The following FARSB variants were observed in gnomAD, a reference collection of about 807,000 sequenced individuals.
FARSB encodes the protein phenylalanine--tRNA ligase beta subunit.
FARSB carries 40 observed loss-of-function variants against 69.6 expected under a neutral mutation model. That is an observed-to-expected ratio of 0.57 (90% CI 0.45 to 0.75). The LOEUF (loss-of-function observed/expected upper bound fraction) is 0.75, where lower values mean the gene tolerates loss of function less well. Ranked by LOEUF, FARSB falls within the 30% of genes least tolerant of loss-of-function variation. The probability of loss-of-function intolerance (pLI) is 0.00; values close to 1 mark genes in which losing one functional copy is unlikely to be tolerated. For missense variants in FARSB, 632 were observed against 722.9 expected, an observed-to-expected ratio of 0.87 and a Z score of 1.44; for synonymous variants, 235 against 247.2, an observed-to-expected ratio of 0.95 and a Z score of 0.46.
chr2:222,569,305 G>C lies in FARSB; in HGVS notation c.*2566C>G, dbSNP rs1321261796. ...ATATCCAGGTGGGTAGCTGCTGACA[G>C]AACAAATGGTTCCACCTACTTCAAC... On this transcript the variant is annotated 3_prime_UTR_variant, in exon 17 of 17. Transcript: ENST00000281828. 1 of 152,160 alleles carries C rather than the reference G, an allele frequency of 6.6e-6. No homozygotes were observed. Among genetic ancestry groups the C allele is most frequent in the Non-Finnish European group, 1.5e-5 (1 of 68,032 alleles). 9.4% of individuals were successfully genotyped at this position (152,160 alleles called of 1,614,324 possible). A position where few individuals can be genotyped will look rare whatever the true frequency, so the allele number is the denominator to read the frequency against.
Position 222,571,982 on chromosome 2 carries a change from G to A in FARSB, c.1659C>T (p.Ala553=). The A allele has an allele frequency of 6.2e-7, 1 of 1,613,884 alleles. No individual in the cohort carries two copies. Among genetic ancestry groups the A allele is most frequent in the Non-Finnish European group, 8.5e-7 (1 of 1,179,916 alleles). ...CAAGCTTCCCGACGCTTTGACCCCT[G>A]GCAAAGATCTCTGCACATCGCCCGG... ...FFPGRCAEIF[A]RGQSVGKLGV... is the part of the protein sequence containing the mutation. The change falls in exon 17 of 17, where the codon GCC becomes GCT. Residue 553 remains alanine (A), a synonymous_variant. Coordinates refer to ENST00000281828, the MANE Select transcript of FARSB (RefSeq NM_005687.5).
intron 16 of FARSB, among the ~76,000 whole-genome samples, chr2:222,593,035 A>T (rs1690318010): frequency 1.3e-5 from 2 of 152,104 alleles, no homozygotes; most frequent in Admixed American, 1.3e-4. Context: ...AAAACGTATC[A>T]TATATATAGT....
chr2:222,581,269 A>G (rs1410641778), intron 16 of FARSB, among the ~76,000 whole-genome samples: 2 of 152,218 alleles, frequency 1.3e-5, no homozygotes, highest in Non-Finnish European at 2.9e-5. Context: ...GATTTCTGCA[A>G]TGATGTAATA....
intron 16 of FARSB, among the ~76,000 whole-genome samples, chr2:222,592,597 A>C (rs1399067202): frequency 6.6e-6 from 1 of 151,664 alleles, no homozygotes; most frequent in Non-Finnish European, 1.5e-5. Flanking sequence ...AAAGATCACA[A>C]GCTAAAAATG....
chr2:222,642,949 G>T lies in FARSB; in HGVS notation c.171C>A (p.Ala57=). ...KEQGNVKAAG[A]SDVVLYKIDV... ...CAATTTTGTAAAGAACAACATCAGA[G>T]GCTCCTGCTGCCTTTACATTACCTT... Residue 57 remains alanine, a synonymous_variant, in exon 3 of 17, where the codon GCC becomes GCA. Coordinates refer to ENST00000281828, the MANE Select transcript of FARSB (RefSeq NM_005687.5). 1 of 1,611,108 alleles carries T rather than the reference G, an allele frequency of 6.2e-7. No homozygotes were observed.
chr2:222,640,769 AAG>A lies in FARSB; in HGVS notation c.339+91_339+92del, dbSNP rs1000673988. The A allele has an allele frequency of 4.7e-5, 32 of 686,348 alleles. No homozygotes were observed. The East Asian group carries it at 8.3e-4, about 18-fold the overall frequency. 42.5% of individuals were successfully genotyped at this position (686,348 alleles called of 1,614,324 possible). A position where few individuals can be genotyped will look rare whatever the true frequency, so the allele number is the denominator to read the frequency against. On this transcript the variant is annotated intron_variant, in intron 4 of 16. Transcript: ENST00000281828. Reference sequence around the variant, plus strand: ...AGACCCTGTCTCAAAACAAAAAAAAAAGAGTAAGCTTTGTTTCTCTTTCCTCC... The same window carrying A: ...AGACCCTGTCTCAAAACAAAAAAAAAAGTAAGCTTTGTTTCTCTTTCCTCC...
At chr2:222,623,555 T>C in intron 13 of FARSB, 95 bp downstream of exon 13, 1 of 809,890 alleles carries the variant, frequency 1.2e-6, no homozygotes, top group Non-Finnish European at 2.2e-6. Context: ...TCTAACAGTC[T>C]AGATTTTATA....
rs143024532 is a variant in FARSB at position 222,601,675 on chromosome 2, T to C, written c.1463-1592A>G. 6.0e-3 allele frequency among the ~76,000 whole-genome samples: 920 copies of C among 152,308 alleles called. 11 individuals are homozygous for C. Among genetic ancestry groups the C allele is most frequent in the African/African-American group, 0.021 (861 of 41,554 alleles). ...AATATTTCATTTTATTTCACTTTAT[T>C]TTTTGAGATAGGGTCTCGCTCTGTT... On this transcript the variant is annotated intron_variant, in intron 15 of 16. Transcript: ENST00000281828.
intron 16 of FARSB, among the ~76,000 whole-genome samples, chr2:222,585,641 G>A (rs561529901): frequency 2.6e-5 from 4 of 152,202 alleles, no homozygotes; most frequent in Non-Finnish European, 5.9e-5. Flanking sequence ...GATTAGAATG[G>A]CTAAGTAGAA....
intron 16 of FARSB, among the ~76,000 whole-genome samples, chr2:222,583,663 A>G (rs1177746788): frequency 6.6e-6 from 1 of 152,106 alleles, no homozygotes; most frequent in East Asian, 1.9e-4. Flanking sequence ...TGCTATTGAT[A>G]TGGTTTGGCT....
intron 16 of FARSB, among the ~76,000 whole-genome samples, chr2:222,580,801 A>G (rs1271743843): frequency 6.6e-6 from 1 of 152,210 alleles, no homozygotes; most frequent in Non-Finnish European, 1.5e-5. Context: ...TTTAGGGATT[A>G]TGAGAGTGAC....
intron 12 of FARSB, 88 bp downstream of exon 12, chr2:222,624,184 T>G (rs1253264107): frequency 1.2e-6 from 1 of 866,148 alleles, no homozygotes; most frequent in Admixed American, 1.8e-5. Context: ...ACTGCTTGAT[T>G]CCTACGTTCT....
At position 222,624,708 on chromosome 2, in the gene FARSB, G is replaced by C; in HGVS notation, c.962+6C>G. The C allele has an allele frequency of 1.3e-6, 2 of 1,590,156 alleles. No homozygotes were observed. Among genetic ancestry groups the C allele is most frequent in the Non-Finnish European group, 1.7e-6 (2 of 1,162,684 alleles). On this transcript the variant is annotated splice_donor_region_variant and intron_variant, in intron 11 of 16. Transcript: ENST00000281828. ...TCTTGAATTAAGTGAAGTTTTCAGAGCATACCTGATTCCAACTTTTTTGTT... is the reference window on the plus strand; with the variant it reads ...TCTTGAATTAAGTGAAGTTTTCAGACCATACCTGATTCCAACTTTTTTGTT...
At chr2:222,643,848 A>T (rs1303514036) in intron 2 of FARSB, among the ~76,000 whole-genome samples, 1 of 152,252 alleles carries the variant, frequency 6.6e-6, no homozygotes, top group African/African-American at 2.4e-5. Context: ...CTCAAGCACC[A>T]CACTACAGCA....
chr2:222,619,141 CA>C (rs1050383356), intron 14 of FARSB, among the ~76,000 whole-genome samples: 209 of 133,754 alleles, frequency 1.6e-3, no homozygotes, highest in Middle Eastern at 3.9e-3. Context: ...GACTCTGTCT[CA>C]AAAAAAAAAA....
At chr2:222,585,656 C>G (rs376778877) in intron 16 of FARSB, among the ~76,000 whole-genome samples, 4 of 152,300 alleles carry the variant, frequency 2.6e-5, no homozygotes, top group African/African-American at 9.6e-5. Context: ...GTAGAATAAA[C>G]AGCATAGAGA....
At chr2:222,643,978 T>C (rs865853750) in intron 2 of FARSB, among the ~76,000 whole-genome samples, 4 of 152,236 alleles carry the variant, frequency 2.6e-5, no homozygotes, top group Non-Finnish European at 4.4e-5. Flanking sequence ...GATTACAAGT[T>C]GTATTCCAAC....
At chr2:222,620,291 T>C (rs572621764) in intron 13 of FARSB, among the ~76,000 whole-genome samples, 2 of 152,352 alleles carry the variant, frequency 1.3e-5, no homozygotes, top group Admixed American at 6.5e-5. Flanking sequence ...ACTTTCCATT[T>C]TGACTACCAT....
rs184465831 is a variant in FARSB, at chr2:222,590,628, T to C, written c.1618+9300A>G. ...ATACTTGTTGATATTCAGAAATTAT[T>C]GTTAATTTTGTGTGATGATATTGCA... On this transcript the variant is annotated intron_variant, in intron 16 of 16. Transcript: ENST00000281828. 1.5e-3 allele frequency among the ~76,000 whole-genome samples: 235 copies of C among 152,262 alleles called. 1 individual carries two copies. The highest frequency in any genetic ancestry group is 0.013 in the Admixed American group (206 of 15,300).
Sources: gnomAD v4.1 joint callset for allele counts (sites outside exome capture counted in the v4.1 genomes callset) on GRCh38, gnomAD v4.1.1 for gene constraint, MANE v1.5 for transcripts, NCBI Gene and HGNC (gene_info 2026-07-23, HGNC 2026-07-21) for gene names.